Variants in IPP observed in about 807,000 individuals in gnomAD.
IPP encodes the protein intracisternal A particle-promoted polypeptide, also known as actin-binding protein IPP.
IPP carries 41 observed loss-of-function variants against 64.1 expected under a neutral mutation model. That is an observed-to-expected ratio of 0.64 (90% CI 0.50 to 0.83). The LOEUF (loss-of-function observed/expected upper bound fraction) is 0.83, where lower values mean the gene tolerates loss of function less well. Among genes scored for constraint, IPP ranks in the 40% least tolerant of loss-of-function variants. IPP has a pLI of 0.00. For synonymous variants in IPP, 214 were observed against 235.2 expected (o/e 0.91, Z 0.83); for missense variants, 649 against 703.0 (o/e 0.92, Z 0.87).
chr1:45,740,658 A>C lies in IPP; in HGVS notation c.724+243T>G, dbSNP rs1353668065. ...ATCTATAACACTAATCTGCCTTAGT[A>C]ATCAATCTCAAGAAAGATTTTGATA... is the stretch of plus-strand genomic sequence containing the variant. On this transcript the variant is annotated intron_variant, in intron 3 of 8. Coordinates refer to ENST00000396478, the MANE Select transcript of IPP (RefSeq NM_005897.3). 3.3e-5 allele frequency among the ~76,000 whole-genome samples: 5 copies of C among 152,246 alleles called. No homozygotes were observed. In the East Asian group the frequency reaches 9.6e-4, roughly 29 times the overall value.
At chr1:45,744,622 C>T (rs186410919) in intron 2 of IPP, among the ~76,000 whole-genome samples, 33 of 152,064 alleles carry the variant, frequency 2.2e-4, no homozygotes, top group South Asian at 6.2e-4. Context: ...AGGTGGATCA[C>T]GAAGTCAAGA....
intron 8 of IPP, among the ~76,000 whole-genome samples, chr1:45,708,099 C>CT: frequency 6.6e-6 from 1 of 150,894 alleles, no homozygotes; most frequent in Non-Finnish European, 1.5e-5. Flanking sequence ...GAGTCTCACT[C>CT]TGTCGCCCAG....
chr1:45,707,100 T>A (rs1645521365), intron 8 of IPP, among the ~76,000 whole-genome samples: 1 of 152,098 alleles, frequency 6.6e-6, no homozygotes, highest in Non-Finnish European at 1.5e-5. Flanking sequence ...AACAGATACA[T>A]ATCCAAACAT....
rs1481662407 is a variant in IPP at position 45,711,234 on chromosome 1, C to T, written c.1530+3012G>A. On this transcript the variant is annotated intron_variant, in intron 8 of 8. Transcript: ENST00000396478. Reference sequence around the variant, plus strand: ...GCGGGTGCTTGTAGTCCCAGCTACTCGGGAGGCTGAGGCAGGGAATTGCTT... The same window carrying T: ...GCGGGTGCTTGTAGTCCCAGCTACTTGGGAGGCTGAGGCAGGGAATTGCTT... Among the ~76,000 whole-genome samples, 12 of 151,088 alleles carry T rather than the reference C, an allele frequency of 7.9e-5. No individual in the cohort carries two copies. The South Asian group carries it at 1.9e-3, about 24-fold the overall frequency.
At position 45,727,690 on chromosome 1, in the gene IPP, T is replaced by C. The variant is rs756898715; in HGVS notation, c.989A>G (p.His330Arg). 30 of 1,595,654 alleles carry C rather than the reference T, an allele frequency of 1.9e-5. No individual in the cohort carries two copies. The highest frequency in any genetic ancestry group is 5.0e-5 in the Admixed American group (3 of 59,786). The change falls in exon 5 of 9, where the codon CAT becomes CGT. Residue 330 changes from histidine (H) to arginine (R), a missense_variant. Transcript: ENST00000396478. Reference protein sequence around the residue: ...SQYWTTVSSLHQARSGLGVTV... With the variant: ...SQYWTTVSSLRQARSGLGVTV... ...TACTCCCAGCCCACTTCGAGCCTGA[T>C]GAAGTGAAGACACAGTGGTCCAGTA...
intron 7 of IPP, 68 bp downstream of exon 7, chr1:45,716,827 T>G (rs1645665085): frequency 1.5e-6 from 2 of 1,364,586 alleles, no homozygotes; most frequent in Non-Finnish European, 2.0e-6. Flanking sequence ...TTTGTGAAAA[T>G]AAGGCCTCAA....
chr1:45,749,682 G>C lies in IPP; in HGVS notation c.-51+915C>G, dbSNP rs545367360. Among the ~76,000 whole-genome samples, 260 of 151,448 alleles carry C rather than the reference G, an allele frequency of 1.7e-3. 1 individual carries two copies. Among genetic ancestry groups the C allele is most frequent in the African/African-American group, 6.0e-3 (246 of 41,310 alleles). Reference sequence around the variant, plus strand: ...ACTACAGGCGCCCGCCACCACGCCCGGCTAATTTTTTGCATTTTTAGTAGA... The same window carrying C: ...ACTACAGGCGCCCGCCACCACGCCCCGCTAATTTTTTGCATTTTTAGTAGA... On this transcript the variant is annotated intron_variant, in intron 1 of 8. Transcript: ENST00000396478.
intron 6 of IPP, among the ~76,000 whole-genome samples, chr1:45,717,974 G>T (rs1645683535): frequency 6.6e-6 from 1 of 152,222 alleles, no homozygotes; most frequent in Non-Finnish European, 1.5e-5. Context: ...CTGAGTTACA[G>T]TGAACTGAAG....
At chr1:45,747,834 CAAAAAAAAAAAAAA>C (rs60576414) in intron 1 of IPP, among the ~76,000 whole-genome samples, 541 of 39,328 alleles carry the variant, frequency 0.014, 9 homozygotes, top group South Asian at 0.058. Flanking sequence ...GACTCTGTCT[CAAAAAAAAAAAAAA>C]AAAAAAAAAA....
intron 1 of IPP, among the ~76,000 whole-genome samples, chr1:45,749,494 GTT>G (rs200158500): frequency 1.6e-5 from 2 of 128,866 alleles, no homozygotes; most frequent in South Asian, 2.5e-4. Context: ...TTGATTTTTT[GTT>G]TTTTTTTTTT....
chr1:45,714,802 T>C (rs199826251), intron 7 of IPP, among the ~76,000 whole-genome samples: 2 of 71,802 alleles, frequency 2.8e-5, no homozygotes, highest in East Asian at 7.2e-4. Context: ...GATTTTTTTT[T>C]CCCTAAAAAT....
intron 2 of IPP, among the ~76,000 whole-genome samples, chr1:45,745,602 T>TATAC (rs1048208249): frequency 6.6e-6 from 1 of 151,954 alleles, no homozygotes; most frequent in Non-Finnish European, 1.5e-5. Flanking sequence ...CTCACGCCTG[T>TATAC]AATCCCAGCA....
chr1:45,719,856 G>A (rs1645708549), intron 5 of IPP, among the ~76,000 whole-genome samples: 1 of 151,966 alleles, frequency 6.6e-6, no homozygotes, highest in Non-Finnish European at 1.5e-5. Context: ...CTCCTGAGTA[G>A]CTGGGACTAC....
chr1:45,715,045 A>C (rs2148557581), intron 7 of IPP, among the ~76,000 whole-genome samples: 1 of 152,126 alleles, frequency 6.6e-6, no homozygotes, highest in Admixed American at 6.6e-5. Flanking sequence ...AAAATACAAA[A>C]TTAGCCAGGC....
intron 2 of IPP, among the ~76,000 whole-genome samples, chr1:45,743,592 G>A (rs1027377066): frequency 6.6e-6 from 1 of 151,758 alleles, no homozygotes; most frequent in African/African-American, 2.4e-5. Flanking sequence ...GGTGTGTGTT[G>A]TGGTCCTACA....
intron 8 of IPP, among the ~76,000 whole-genome samples, chr1:45,711,182 GA>G (rs917930249): frequency 3.5e-5 from 5 of 141,138 alleles, no homozygotes; most frequent in Non-Finnish European, 7.8e-5. Context: ...AAATAGAAAA[GA>G]AAAAAAAAAT....
At chr1:45,742,889 G>T (rs112983141) in intron 2 of IPP, among the ~76,000 whole-genome samples, 1 of 151,764 alleles carries the variant, frequency 6.6e-6, no homozygotes, top group African/African-American at 2.4e-5. Context: ...ACTTAACTAC[G>T]TATACCACTT....
Position 45,725,340 on chromosome 1 carries a change from G to A in IPP, c.1048+2291C>T, listed in dbSNP as rs570023984. Among the ~76,000 whole-genome samples, 9 of 145,986 alleles carry A rather than the reference G, an allele frequency of 6.2e-5. No individual in the cohort carries two copies. The South Asian group carries it at 8.7e-4, about 14-fold the overall frequency. ...GCCGCCCCGTCCGGGAGGGAGGTGGGGGTGTCAGCCCCCCGCCCGGCCAGC... is the reference window on the plus strand; with the variant it reads ...GCCGCCCCGTCCGGGAGGGAGGTGGAGGTGTCAGCCCCCCGCCCGGCCAGC... On this transcript the variant is annotated intron_variant, in intron 5 of 8. Coordinates refer to ENST00000396478, the MANE Select transcript of IPP (RefSeq NM_005897.3).
At chr1:45,744,728 A>G (rs1168557314) in intron 2 of IPP, among the ~76,000 whole-genome samples, 2 of 151,570 alleles carry the variant, frequency 1.3e-5, no homozygotes, top group East Asian at 3.9e-4. Context: ...AGTCCCAGCT[A>G]CTCGGGAGGC....
Sources: allele counts gnomAD v4.1 joint callset (sites outside exome capture counted in the v4.1 genomes callset), GRCh38; gene constraint gnomAD v4.1.1; transcripts MANE v1.5; gene names NCBI Gene and HGNC (gene_info 2026-07-23, HGNC 2026-07-21).